Variants in NCOR2 observed in about 807,000 individuals in gnomAD.
NCOR2 encodes the protein nuclear receptor corepressor 2, also known as CTG repeat protein 26.
In NCOR2, 81 loss-of-function variants were observed where a neutral mutation model predicts 262.9. The ratio of observed to expected loss-of-function variants is 0.31; its 90% confidence interval spans 0.26 to 0.37. The LOEUF is 0.37. NCOR2 is among the 10% of genes least tolerant of loss of function. NCOR2 has a pLI of 1.00. For synonymous variants in NCOR2, 1,659 were observed against 1,559.3 expected (o/e 1.06, Z -1.51); for missense variants, 3,385 against 3,621.4 (o/e 0.93, Z 1.68).
At chr12:124,537,352 C>G (rs751532732), upstream of NCOR2, among the ~76,000 whole-genome samples, 26 of 152,352 alleles carry the variant, frequency 1.7e-4, no homozygotes, top group Non-Finnish European at 2.8e-4. Context: ...TGGGAAACCC[C>G]TTCTCCACCT....
intron 21 of NCOR2, among the ~76,000 whole-genome samples, chr12:124,363,015 G>A (rs1434033342): frequency 1.3e-5 from 2 of 152,288 alleles, no homozygotes; most frequent in Non-Finnish European, 2.9e-5. Flanking sequence ...TGGACAGGAG[G>A]CTAGAGCCTG....
exon 34 of NCOR2, chr12:124,341,896 C>T (rs1203445678): frequency 6.2e-6 from 10 of 1,612,772 alleles, no homozygotes; most frequent in Non-Finnish European, 8.5e-6. Flanking sequence ...TATCAGCTCG[C>T]TGGGCCATGG....
chr12:124,403,984 C>T (rs1186927756), intron 13 of NCOR2, among the ~76,000 whole-genome samples: 4 of 152,204 alleles, frequency 2.6e-5, no homozygotes, highest in Non-Finnish European at 5.9e-5. Context: ...ACAGACCCCC[C>T]GGCCCCCAGG....
intron 15 of NCOR2, among the ~76,000 whole-genome samples, chr12:124,398,931 G>A (rs2041843177): frequency 6.6e-6 from 1 of 152,232 alleles, no homozygotes; most frequent in African/African-American, 2.4e-5. Context: ...CTCTGCAGTG[G>A]CACTATTTTT....
At chr12:124,506,748 G>C (rs1004179355) in intron 1 of NCOR2, among the ~76,000 whole-genome samples, 1 of 152,232 alleles carries the variant, frequency 6.6e-6, no homozygotes, top group African/African-American at 2.4e-5. Flanking sequence ...TCTCTGCAGA[G>C]GGAAGTGAGG....
chr12:124,425,746 C>T (rs932004575), intron 11 of NCOR2, among the ~76,000 whole-genome samples: 2 of 152,180 alleles, frequency 1.3e-5, no homozygotes, highest in African/African-American at 2.4e-5. Flanking sequence ...GCCCCATTCA[C>T]AAACCATTCC....
At chr12:124,521,112 G>C (rs1322877103) in intron 1 of NCOR2, among the ~76,000 whole-genome samples, 4 of 152,182 alleles carry the variant, frequency 2.6e-5, no homozygotes, top group African/African-American at 4.8e-5. Context: ...GCCCAGGGGG[G>C]AGGTGGGGGC....
At chr12:124,384,628 G>A (rs2040657288) in intron 17 of NCOR2, among the ~76,000 whole-genome samples, 1 of 152,196 alleles carries the variant, frequency 6.6e-6, no homozygotes, top group South Asian at 2.1e-4. Flanking sequence ...CTTGGGCGGA[G>A]TTCAAACAGG....
At chr12:124,333,259 G>C (rs749006415) in exon 42 of NCOR2, 2 of 1,609,798 alleles carry the variant, frequency 1.2e-6, no homozygotes, top group Non-Finnish European at 1.7e-6. Context: ...CAAGACCGAC[G>C]TCTTGTTTGG....
chr12:124,501,827 G>C (rs1405165128), intron 1 of NCOR2, among the ~76,000 whole-genome samples: 1 of 152,170 alleles, frequency 6.6e-6, no homozygotes, highest in African/African-American at 2.4e-5. Flanking sequence ...TACTTGTTTT[G>C]TTCACTGCTG....
intron 8 of NCOR2, among the ~76,000 whole-genome samples, chr12:124,434,521 C>T (rs2044216265): frequency 6.6e-6 from 1 of 152,088 alleles, no homozygotes; most frequent in Non-Finnish European, 1.5e-5. Context: ...CCCAAGGAGC[C>T]ACTGGCGATC....
intron 10 of NCOR2, 71 bp from the exon 13 acceptor site, chr12:124,426,871 G>C: frequency 7.0e-7 from 1 of 1,438,696 alleles, no homozygotes; most frequent in South Asian, 1.4e-5. Flanking sequence ...GGGACCCAGG[G>C]AAGACACAGA....
At chr12:124,415,710 A>T (rs2042823055) in intron 13 of NCOR2, among the ~76,000 whole-genome samples, 2 of 152,220 alleles carry the variant, frequency 1.3e-5, no homozygotes, top group Non-Finnish European at 2.9e-5. Context: ...AGCAGGGGAT[A>T]AAAACTCACC....
intron 28 of NCOR2, 75 bp from the exon 31 acceptor site, chr12:124,348,389 G>T: frequency 2.0e-6 from 3 of 1,515,566 alleles, no homozygotes; most frequent in Non-Finnish European, 1.8e-6. Flanking sequence ...AGGACAGGCA[G>T]AGCCGGTAGG....
At position 124,457,157 on chromosome 12, in the gene NCOR2, C is replaced by T. The variant is rs1218218194; in HGVS notation, c.711G>A (p.Lys237=). 3.9e-6 allele frequency: 6 copies of T among 1,533,616 alleles called. No individual in the cohort carries two copies. The highest frequency in any genetic ancestry group is 5.2e-6 in the Non-Finnish European group (6 of 1,151,806). Residue 237 remains lysine, a synonymous_variant, in exon 6 of 47, where the codon AAG becomes AAA. Coordinates refer to ENST00000405201, the Ensembl canonical transcript of NCOR2. The surrounding 1 kb of genome is among the most constrained non-coding windows in gnomAD (Gnocchi z 4.0). The stretch of plus-strand genomic sequence containing the variant: ...CCAGAATCCGATGTGCAGCTTCAGC[C>T]TTCTTCTGCAGGGTGATGGCGAAGA...
At chr12:124,334,679 TG>T (rs2035718127) in intron 40 of NCOR2, 62 bp from the exon 43 acceptor site, 4 of 405,074 alleles carry the variant, frequency 9.9e-6, no homozygotes, top group Non-Finnish European at 1.5e-5. Context: ...CTTCTGGGGG[TG>T]GGGAGGGGCT....
At chr12:124,518,315 C>G (rs2049952105) in intron 1 of NCOR2, 1 of 152,372 alleles carries the variant, frequency 6.6e-6, no homozygotes. Context: ...TCAGACCCAT[C>G]CTTCCTCCAG....
At chr12:124,511,713 T>G (rs2049405136) in intron 1 of NCOR2, among the ~76,000 whole-genome samples, 1 of 152,102 alleles carries the variant, frequency 6.6e-6, no homozygotes, top group African/African-American at 2.4e-5. Flanking sequence ...ACTCCCCGAA[T>G]GGGGCTTCAT....
At chr12:124,506,957 C>G (rs1372629886) in intron 1 of NCOR2, among the ~76,000 whole-genome samples, 1 of 152,160 alleles carries the variant, frequency 6.6e-6, no homozygotes, top group Non-Finnish European at 1.5e-5. Context: ...GGCGGTGGGA[C>G]CTGGGGTTTC....
Sources: gnomAD v4.1 joint callset for allele counts (sites outside exome capture counted in the v4.1 genomes callset) on GRCh38, gnomAD v4.1.1 for gene constraint, Gnocchi (gnomAD v3.1) non-coding constraint, MANE v1.5 for transcripts, NCBI Gene and HGNC (gene_info 2026-07-23, HGNC 2026-07-21) for gene names.